The following PDLIM5 variants were observed in gnomAD, a reference collection of about 807,000 sequenced individuals.
The protein encoded by PDLIM5 is PDZ and LIM domain 5, also known as PDZ and LIM domain protein 5.
A neutral mutation model predicts 64.2 loss-of-function variants in PDLIM5; 34 were observed. The ratio of observed to expected loss-of-function variants is 0.53; its 90% CI spans 0.40 to 0.71. PDLIM5 has a LOEUF of 0.71. Among genes scored for constraint, PDLIM5 ranks in the 30% least tolerant of loss-of-function variants. PDLIM5 has a pLI of 0.00. For missense variants in PDLIM5, 683 were observed against 733.6 expected (o/e 0.93, Z 0.80); for synonymous variants, 253 against 269.1 (o/e 0.94, Z 0.59).
intron 3 of PDLIM5, among the ~76,000 whole-genome samples, chr4:94,544,729 C>G (rs1455069791): frequency 6.6e-6 from 1 of 152,216 alleles, no homozygotes; most frequent in African/African-American, 2.4e-5. Context: ...AATCTCAGCT[C>G]ACTACAACCT....
intron 2 of PDLIM5, among the ~76,000 whole-genome samples, chr4:94,458,672 C>T (rs886615914): frequency 6.6e-6 from 1 of 151,990 alleles, no homozygotes; most frequent in Non-Finnish European, 1.5e-5. Flanking sequence ...TCTGGTGTAT[C>T]GAATTGTGTT....
chr4:94,487,908 A>G (rs1726500236), intron 2 of PDLIM5, among the ~76,000 whole-genome samples: 1 of 152,178 alleles, frequency 6.6e-6, no homozygotes, highest in South Asian at 2.1e-4. Flanking sequence ...TGCCTTATTC[A>G]AGATTTACCT....
chr4:94,554,797 C>CTA (rs767604277), intron 3 of PDLIM5, among the ~76,000 whole-genome samples: 4 of 152,048 alleles, frequency 2.6e-5, no homozygotes, highest in Admixed American at 2.0e-4. Flanking sequence ...CATTCTATAT[C>CTA]TATATATATC....
intron 3 of PDLIM5, among the ~76,000 whole-genome samples, chr4:94,555,660 A>G (rs946826526): frequency 1.3e-5 from 2 of 152,190 alleles, no homozygotes; most frequent in African/African-American, 2.4e-5. Context: ...TGAAAGTACC[A>G]TATAATGATT....
chr4:94,620,241 C>T (rs1049016880), intron 8 of PDLIM5, among the ~76,000 whole-genome samples: 3 of 152,080 alleles, frequency 2.0e-5, no homozygotes, highest in African/African-American at 4.8e-5. Flanking sequence ...GATTGAGTAC[C>T]CAAGGGGCCA....
chr4:94,624,453 A>T (rs1453281273), intron 8 of PDLIM5, among the ~76,000 whole-genome samples: 1 of 152,198 alleles, frequency 6.6e-6, no homozygotes, highest in African/African-American at 2.4e-5. Context: ...TATAATATAG[A>T]AATCATCAAA....
intron 2 of PDLIM5, among the ~76,000 whole-genome samples, chr4:94,464,302 A>G (rs1724153522): frequency 6.6e-6 from 1 of 152,248 alleles, no homozygotes; most frequent in Non-Finnish European, 1.5e-5. Flanking sequence ...GAAAGTAGTT[A>G]CGGTAATGAC....
intron 7 of PDLIM5, among the ~76,000 whole-genome samples, chr4:94,606,632 G>A (rs764581260): frequency 3.9e-5 from 6 of 152,218 alleles, no homozygotes; most frequent in Non-Finnish European, 8.8e-5. Flanking sequence ...GAAGGTCTAA[G>A]CAACAGACAT....
chr4:94,512,429 C>T (rs1030358764), intron 2 of PDLIM5, among the ~76,000 whole-genome samples: 1 of 152,082 alleles, frequency 6.6e-6, no homozygotes, highest in African/African-American at 2.4e-5. Context: ...CAAATCCTTG[C>T]CAGCATTTGT....
chr4:94,474,219 A>C (rs1013999244), intron 2 of PDLIM5, among the ~76,000 whole-genome samples: 2 of 152,130 alleles, frequency 1.3e-5, no homozygotes, highest in African/African-American at 2.4e-5. Context: ...GTGGATGATC[A>C]TTAAAACATT....
intron 1 of PDLIM5, among the ~76,000 whole-genome samples, chr4:94,454,933 G>A (rs1314795637): frequency 6.6e-6 from 1 of 152,194 alleles, no homozygotes; most frequent in Non-Finnish European, 1.5e-5. Context: ...CTACATTAGT[G>A]AAGTATTGTA....
intron 3 of PDLIM5, among the ~76,000 whole-genome samples, chr4:94,562,306 T>C (rs1309256380): frequency 6.6e-6 from 1 of 152,180 alleles, no homozygotes; most frequent in African/African-American, 2.4e-5. Context: ...TAGTTTGTTT[T>C]TGTTTTGCAA....
chr4:94,667,331 A>G lies in PDLIM5; in HGVS notation c.*3264A>G, dbSNP rs1300125972. 1 of 152,222 alleles carries G rather than the reference A, an allele frequency of 6.6e-6. No individual in the cohort carries two copies. The allele number at this position is 152,222 out of a possible 1,614,324, so 9.4% of individuals were successfully genotyped here. A position where few individuals can be genotyped will look rare whatever the true frequency, so the allele number is the denominator to read the frequency against. The stretch of plus-strand genomic sequence containing the variant: ...GGCCCTCCATGTCCATAGGCTTCGC[A>G]TCTGTGATTCAGCCCACTGTGGGTC... On this transcript the variant is annotated 3_prime_UTR_variant, in exon 13 of 13. Coordinates refer to ENST00000317968, the MANE Select transcript of PDLIM5 (RefSeq NM_006457.5).
At chr4:94,459,616 G>A (rs965383846) in intron 2 of PDLIM5, among the ~76,000 whole-genome samples, 5 of 152,202 alleles carry the variant, frequency 3.3e-5, no homozygotes, top group African/African-American at 4.8e-5. Context: ...GAGTACAAAG[G>A]TTGGATGGAA....
chr4:94,582,402 C>T, intron 5 of PDLIM5: 1 of 242,846 alleles, frequency 4.1e-6, no homozygotes, highest in Non-Finnish European at 7.8e-6. Flanking sequence ...TCACTTGATA[C>T]TTGAATTAGC....
rs146613557 is a variant in PDLIM5, at chr4:94,528,462, T to G, written c.248+4587T>G. Reference sequence around the variant, plus strand: ...TTATTTACTAATTATTCCGTGTATATTAGTCGTGGTTCTCCAAGAAGACTC... The same window carrying G: ...TTATTTACTAATTATTCCGTGTATAGTAGTCGTGGTTCTCCAAGAAGACTC... On this transcript the variant is annotated intron_variant, in intron 3 of 12. Transcript: ENST00000317968. Among the ~76,000 whole-genome samples the G allele has an allele frequency of 3.9e-5, 6 of 152,336 alleles. No individual in the cohort carries two copies. The East Asian group carries it at 9.6e-4, about 24-fold the overall frequency.
chr4:94,657,410 T>C lies in PDLIM5; in HGVS notation c.1465-17T>C. On this transcript the variant is annotated splice_polypyrimidine_tract_variant and intron_variant, in intron 10 of 12. Coordinates refer to ENST00000317968, the MANE Select transcript of PDLIM5 (RefSeq NM_006457.5). Reference sequence around the variant, plus strand: ...TGTCATCTTCTTTTTTTACATCCAATTACCTTTCTGTAACAGGAAGTCATC... The same window carrying C: ...TGTCATCTTCTTTTTTTACATCCAACTACCTTTCTGTAACAGGAAGTCATC... 1 of 1,550,564 alleles carries C rather than the reference T, an allele frequency of 6.4e-7. No homozygotes were observed. Among genetic ancestry groups the C allele is most frequent in the Non-Finnish European group, 8.9e-7 (1 of 1,123,976 alleles).
chr4:94,566,146 T>A (rs1416758755), intron 3 of PDLIM5, among the ~76,000 whole-genome samples: 1 of 152,212 alleles, frequency 6.6e-6, no homozygotes, highest in Admixed American at 6.5e-5. Flanking sequence ...ATGTTAGGGC[T>A]GCATATAGGC....
chr4:94,605,134 A>T (rs1401675781), intron 7 of PDLIM5, among the ~76,000 whole-genome samples: 2 of 152,178 alleles, frequency 1.3e-5, no homozygotes, highest in Non-Finnish European at 2.9e-5. Flanking sequence ...AGAAGGAGAG[A>T]TGGATTAATC....
Sources: allele counts gnomAD v4.1 joint callset (sites outside exome capture counted in the v4.1 genomes callset), GRCh38; gene constraint gnomAD v4.1.1; transcripts MANE v1.5; gene names NCBI Gene and HGNC (gene_info 2026-07-23, HGNC 2026-07-21).